The following DCDC1 variants were observed in gnomAD, a reference collection of about 807,000 sequenced individuals.
DCDC1 encodes doublecortin domain containing 1.
Under a neutral mutation model 178.3 loss-of-function variants are expected in DCDC1, and 200 were observed. That is an observed-to-expected ratio of 1.12 (90% CI 1.00 to 1.26). The LOEUF is 1.26. DCDC1 is among the 50% of genes most tolerant of loss of function. DCDC1 has a pLI of 0.00. For missense variants in DCDC1, 1,983 were observed against 1,749.2 expected (o/e 1.13, Z -2.38); for synonymous variants, 690 against 604.8 (o/e 1.14, Z -2.07).
At chr11:30,975,777 C>T (rs1012831040) in intron 20 of DCDC1, among the ~76,000 whole-genome samples, 1 of 151,930 alleles carries the variant, frequency 6.6e-6, no homozygotes, top group East Asian at 1.9e-4. Flanking sequence ...ATTAAAATTA[C>T]CATACAGCCA....
chr11:31,156,659 A>C (rs192982417), intron 9 of DCDC1, among the ~76,000 whole-genome samples: 19 of 152,308 alleles, frequency 1.2e-4, no homozygotes, highest in Admixed American at 7.8e-4. Flanking sequence ...ACATGTCTTA[A>C]TTTGGACTAG....
chr11:31,227,899 C>A (rs1330192363), intron 9 of DCDC1, among the ~76,000 whole-genome samples: 1 of 151,726 alleles, frequency 6.6e-6, no homozygotes, highest in Admixed American at 6.6e-5. Context: ...AAGAATATTA[C>A]CAGGAATAAA....
At chr11:30,973,825 G>C (rs1949948376) in intron 20 of DCDC1, among the ~76,000 whole-genome samples, 1 of 152,106 alleles carries the variant, frequency 6.6e-6, no homozygotes. Flanking sequence ...AACATAGACA[G>C]GTCATGTAGA....
At chr11:31,109,210 C>A (rs1959041152) in intron 12 of DCDC1, among the ~76,000 whole-genome samples, 1 of 151,502 alleles carries the variant, frequency 6.6e-6, no homozygotes, top group East Asian at 1.9e-4. Context: ...CCTCAGCATC[C>A]CAGGCTCAAG....
In DCDC1 at chr11:30,928,000, G is replaced by A. The variant is rs576561020; in HGVS notation, c.2898-2592C>T. Among the ~76,000 whole-genome samples the A allele has an allele frequency of 1.9e-4, 29 of 152,204 alleles. No homozygotes were observed. The South Asian group carries it at 3.5e-3, about 19-fold the overall frequency. ...TATACGTTAGTGGTATGGTTTAGAT[G>A]TTTGTCCTCTGCAAACCTCATATTG... On this transcript the variant is annotated intron_variant, in intron 22 of 38. Coordinates refer to ENST00000684477, the MANE Select transcript of DCDC1 (RefSeq NM_001387274.1).
chr11:30,903,639 G>A lies in DCDC1; in HGVS notation c.4353C>T (p.Ala1451=). The change falls in exon 32 of 39, where the codon GCC becomes GCT. Residue 1451 remains alanine, a synonymous_variant. Transcript: ENST00000684477. The stretch of plus-strand genomic sequence containing the variant: ...TTCCATCTTTGGTATATACTTTGGA[G>A]GCTGCTCTGGCAAGCCCAAGTTGTT... The part of the protein sequence containing the change: ...CTEQLGLARA[A]SKVYTKDGTP... 1 of 1,610,660 alleles carries A rather than the reference G, an allele frequency of 6.2e-7. No homozygotes were observed. The highest frequency in any genetic ancestry group is 8.5e-7 in the Non-Finnish European group (1 of 1,178,378).
intron 9 of DCDC1, among the ~76,000 whole-genome samples, chr11:31,171,475 A>T (rs1383426729): frequency 6.6e-6 from 1 of 152,142 alleles, no homozygotes; most frequent in Non-Finnish European, 1.5e-5. Context: ...CTCAACCTAC[A>T]TGTCTATTAT....
chr11:31,119,091 G>C (rs904969721), intron 11 of DCDC1, among the ~76,000 whole-genome samples: 1 of 152,110 alleles, frequency 6.6e-6, no homozygotes, highest in African/African-American at 2.4e-5. Context: ...GGAAAAGAGC[G>C]CTGCAAAGAA....
intron 9 of DCDC1, among the ~76,000 whole-genome samples, chr11:31,205,429 G>C (rs1424147498): frequency 1.3e-5 from 2 of 152,100 alleles, no homozygotes; most frequent in African/African-American, 4.8e-5. Context: ...AGTTAGGTTT[G>C]GCTGTCTAGG....
chr11:31,135,164 C>A (rs1462014183), intron 10 of DCDC1, among the ~76,000 whole-genome samples: 2 of 152,112 alleles, frequency 1.3e-5, no homozygotes, highest in Non-Finnish European at 2.9e-5. Flanking sequence ...AGATCTAAAT[C>A]TCAGATTTTA....
chr11:31,221,568 A>G (rs185874569), intron 9 of DCDC1, among the ~76,000 whole-genome samples: 3 of 152,244 alleles, frequency 2.0e-5, no homozygotes, highest in Non-Finnish European at 2.9e-5. Flanking sequence ...TGAAAGATAA[A>G]AGGCAGGATA....
intron 20 of DCDC1, among the ~76,000 whole-genome samples, chr11:31,034,780 T>G (rs1953916754): frequency 2.0e-5 from 3 of 152,234 alleles, no homozygotes; most frequent in Admixed American, 2.0e-4. Context: ...GACCCATGAC[T>G]GTAGAAAGTT....
chr11:30,920,905 A>G lies in DCDC1; in HGVS notation c.3164T>C (p.Val1055Ala), dbSNP rs1347024011. Residue 1055 changes from valine to alanine, a missense_variant, in exon 25 of 39, where the codon GTA becomes GCA. Val to Ala is a moderately conservative substitution (Grantham distance 64, BLOSUM62 0). Transcript: ENST00000684477. ...ATGCACAGCAAGCTTGCTTCCAGAT[A>G]CAATGTCACTTTGGACTTCTAAAAC... ...ALVLEVQSDI[V>A]SGSKLAVHKP... 3.1e-6 allele frequency: 5 copies of G among 1,612,452 alleles called. No individual in the cohort carries two copies. In the African/African-American group the frequency reaches 4.0e-5, roughly 13 times the overall value.
chr11:31,040,306 A>G (rs923119615), intron 20 of DCDC1, among the ~76,000 whole-genome samples: 4 of 152,192 alleles, frequency 2.6e-5, no homozygotes, highest in Admixed American at 1.3e-4. Context: ...TTTTTGCACA[A>G]TATTTGCACA....
At chr11:31,293,026 C>T (rs560118931) in intron 6 of DCDC1, among the ~76,000 whole-genome samples, 2 of 152,224 alleles carry the variant, frequency 1.3e-5, no homozygotes, top group Admixed American at 6.5e-5. Context: ...ATGCACTATA[C>T]CTCCCTGAAT....
rs1945910254 is a variant in DCDC1, at chr11:31,275,451, TTTTGACTCAAGGAA to T, written c.961-9865_961-9852del. On this transcript the variant is annotated intron_variant, in intron 7 of 38. Coordinates refer to ENST00000684477, the MANE Select transcript of DCDC1 (RefSeq NM_001387274.1). ...TTGTTTAGGTATACACTCTTTTCCC[TTTTGACTCAAGGAA>T]GACTACAATTATCTTTCTGTCGTCG... 9.2e-5 allele frequency among the ~76,000 whole-genome samples: 14 copies of T among 152,294 alleles called. No individual in the cohort carries two copies. The South Asian group carries it at 2.9e-3, about 32-fold the overall frequency.
intron 9 of DCDC1, among the ~76,000 whole-genome samples, chr11:31,213,457 C>G (rs1278024925): frequency 2.0e-5 from 3 of 151,984 alleles, no homozygotes; most frequent in Non-Finnish European, 2.9e-5. Context: ...GGTGGCTTAT[C>G]ATGTCTGTAA....
At chr11:31,262,085 A>C (rs961570050) in intron 8 of DCDC1, among the ~76,000 whole-genome samples, 3 of 152,210 alleles carry the variant, frequency 2.0e-5, no homozygotes, top group African/African-American at 4.8e-5. Context: ...AGCAACCAAC[A>C]GAGAGAGACT....
chr11:31,064,825 T>A (rs1956157738), intron 19 of DCDC1, among the ~76,000 whole-genome samples, 194 bp downstream of exon 19: 1 of 152,180 alleles, frequency 6.6e-6, no homozygotes, highest in South Asian at 2.1e-4. Context: ...AATAAAATGT[T>A]TATATAAAGT....
Sources: allele counts gnomAD v4.1 joint callset (sites outside exome capture counted in the v4.1 genomes callset), GRCh38; gene constraint gnomAD v4.1.1; transcripts MANE v1.5; gene names NCBI Gene and HGNC (gene_info 2026-07-23, HGNC 2026-07-21).